ZBTB37: variants seen among roughly 807,000 people sequenced by gnomAD.
The protein encoded by ZBTB37 is zinc finger and BTB domain-containing protein 37.
Under a neutral mutation model 37.7 loss-of-function variants are expected in ZBTB37, and 15 were observed. That is an observed-to-expected ratio of 0.40 (90% confidence interval 0.27 to 0.61). The LOEUF is 0.61. ZBTB37 is among the 20% of genes least tolerant of loss of function. The pLI is 0.44. For synonymous variants in ZBTB37, 231 were observed against 220.6 expected, an observed-to-expected ratio of 1.05 and a Z score of -0.42; for missense variants, 514 against 641.9, an observed-to-expected ratio of 0.80 and a Z score of 2.15.
chr1:173,888,978 T>C (rs1656736324), downstream of ZBTB37: 1 of 152,180 alleles, frequency 6.6e-6, no homozygotes, highest in Non-Finnish European at 1.5e-5. Flanking sequence ...TCACTTTAAA[T>C]AGCCTTTTCC....
intron 4 of ZBTB37, among the ~76,000 whole-genome samples, chr1:173,879,474 T>C (rs1352763519): frequency 1.3e-5 from 2 of 151,920 alleles, no homozygotes; most frequent in African/African-American, 4.8e-5. Context: ...GCCCAATAGG[T>C]AATAGGGAAA....
Position 173,885,599 on chromosome 1 carries a change from T to C in ZBTB37, c.1024-37T>C, listed in dbSNP as rs762268501. On this transcript the variant is annotated intron_variant, in intron 4 of 4. Transcript: ENST00000427304. ...CTTTTAATATGTATGCTTAATAATATTTGTTCTTTCTTGGTTATTTTCCTT... is the reference window on the plus strand; with the variant it reads ...CTTTTAATATGTATGCTTAATAATACTTGTTCTTTCTTGGTTATTTTCCTT... The C allele has an allele frequency of 2.7e-6, 4 of 1,473,856 alleles. No homozygotes were observed. The African/African-American group carries it at 4.3e-5, about 16-fold the overall frequency. The allele number at this position is 1,473,856 out of a possible 1,614,324, so 91.3% of individuals were successfully genotyped here. A position where few individuals can be genotyped will look rare whatever the true frequency, so the allele number is the denominator to read the frequency against.
intron 4 of ZBTB37, 164 bp downstream of exon 4, chr1:173,873,730 AT>A: frequency 8.1e-7 from 1 of 1,231,630 alleles, no homozygotes; most frequent in Non-Finnish European, 1.1e-6. Flanking sequence ...TAATATTAAA[AT>A]TATACAGAGA....
intron 4 of ZBTB37, 162 bp downstream of exon 4, chr1:173,873,728 A>T (rs1655722671): frequency 8.0e-7 from 1 of 1,243,864 alleles, no homozygotes; most frequent in Non-Finnish European, 1.1e-6. Context: ...TTTAATATTA[A>T]AATTATACAG....
At chr1:173,878,932 T>C (rs1656133374) in intron 4 of ZBTB37, among the ~76,000 whole-genome samples, 1 of 151,730 alleles carries the variant, frequency 6.6e-6, no homozygotes, top group South Asian at 2.1e-4. Flanking sequence ...CTAATAAAAA[T>C]ACAAAAACAT....
At chr1:173,885,654 A>G (rs1334860835) in exon 5 of ZBTB37, 28 of 1,551,634 alleles carry the variant, frequency 1.8e-5, no homozygotes, top group Non-Finnish European at 2.3e-5. Context: ...GTCAGCAATG[A>G]TGGGAGTAAG....
chr1:173,897,924 A>C (rs1365504071), exon 4 of ZBTB37: 1 of 152,202 alleles, frequency 6.6e-6, no homozygotes, highest in Admixed American at 6.5e-5. Context: ...ACAATGTCAG[A>C]ACACTTGAGT....
chr1:173,870,965 C>A, exon 3 of ZBTB37: 1 of 1,614,240 alleles, frequency 6.2e-7, no homozygotes, highest in Non-Finnish European at 8.5e-7. Context: ...CACATCAAAA[C>A]TGAAAATCTG....
chr1:173,871,678 A>G (rs146452727), intron 3 of ZBTB37, among the ~76,000 whole-genome samples: 1 of 152,172 alleles, frequency 6.6e-6, no homozygotes, highest in East Asian at 1.9e-4. Flanking sequence ...GATATTTTTC[A>G]TCTCTTTTTT....
intron 4 of ZBTB37, 98 bp from the exon 5 acceptor site, chr1:173,885,538 A>G (rs1238812060): frequency 4.5e-5 from 46 of 1,026,606 alleles, no homozygotes; most frequent in Non-Finnish European, 6.0e-5. Context: ...AAAAAGGTAC[A>G]TATATCTTAG....
At chr1:173,895,096 CA>C (rs998837453) in exon 4 of ZBTB37, 5 of 152,074 alleles carry the variant, frequency 3.3e-5, no homozygotes, top group Non-Finnish European at 7.3e-5. Context: ...AAAAAGCTTA[CA>C]TTTTTTTTGT....
chr1:173,885,271 C>T (rs1158097374), intron 4 of ZBTB37, among the ~76,000 whole-genome samples: 1 of 152,042 alleles, frequency 6.6e-6, no homozygotes, highest in Non-Finnish European at 1.5e-5. Flanking sequence ...ACCAGCACTG[C>T]CTAAGTATTT....
chr1:173,888,104 C>CTT (rs1656698714), downstream of ZBTB37: 1 of 152,168 alleles, frequency 6.6e-6, no homozygotes, highest in South Asian at 2.1e-4. Flanking sequence ...TGTATTTTGT[C>CTT]TTTAGAAGAC....
At chr1:173,892,598 T>G (rs1656883998) in exon 4 of ZBTB37, 1 of 152,206 alleles carries the variant, frequency 6.6e-6, no homozygotes, top group African/African-American at 2.4e-5. Flanking sequence ...CAGGCTGTCT[T>G]TCTCCTCAAC....
chr1:173,903,377 T>C (rs561043367), exon 4 of ZBTB37: 1 of 164,448 alleles, frequency 6.1e-6, no homozygotes, highest in South Asian at 1.6e-4. Context: ...TTGAACAGCT[T>C]TAAGAACAAT....
exon 4 of ZBTB37, chr1:173,899,359 C>G (rs936773789): frequency 6.6e-6 from 1 of 152,184 alleles, no homozygotes; most frequent in Non-Finnish European, 1.5e-5. Context: ...TGCTATAACA[C>G]ATACTTAAGG....
chr1:173,886,188 C>A, exon 5 of ZBTB37: 1 of 1,484,014 alleles, frequency 6.7e-7, no homozygotes, highest in South Asian at 1.4e-5. Flanking sequence ...GCATCAGAGC[C>A]ATGGGCTGAT....
exon 4 of ZBTB37, chr1:173,897,934 T>A (rs549655957): frequency 6.6e-6 from 1 of 152,264 alleles, no homozygotes; most frequent in South Asian, 2.1e-4. Context: ...AACACTTGAG[T>A]TTAGTGCTTT....
At chr1:173,878,168 T>C (rs1350614194) in intron 4 of ZBTB37, among the ~76,000 whole-genome samples, 1 of 152,244 alleles carries the variant, frequency 6.6e-6, no homozygotes, top group Non-Finnish European at 1.5e-5. Context: ...TAGTTTTATC[T>C]GTCCTAACTG....
Sources: allele counts gnomAD v4.1 joint callset (sites outside exome capture counted in the v4.1 genomes callset), GRCh38; gene constraint gnomAD v4.1.1; transcripts MANE v1.5; gene names NCBI Gene and HGNC (gene_info 2026-07-23, HGNC 2026-07-21).